Variants in GABRA4 observed in about 807,000 individuals in gnomAD.
GABRA4 encodes gamma-aminobutyric acid receptor subunit alpha-4.
GABRA4 carries 12 observed loss-of-function variants against 49.7 expected under a neutral mutation model. The ratio of observed to expected loss-of-function variants is 0.24; its 90% confidence interval spans 0.15 to 0.39. The LOEUF (loss-of-function observed/expected upper bound fraction) is 0.39, where lower values mean the gene tolerates loss of function less well. Among genes scored for constraint, GABRA4 ranks in the 10% least tolerant of loss-of-function variants. The pLI, the probability that GABRA4 is intolerant of heterozygous loss-of-function variation, is 1.00. For missense variants in GABRA4, 506 were observed against 686.0 expected (o/e 0.74, Z 2.93); for synonymous variants, 288 against 240.2 (o/e 1.20, Z -1.84).
At chr4:46,950,460 T>G (rs1340393011) in intron 8 of GABRA4, among the ~76,000 whole-genome samples, 1 of 151,990 alleles carries the variant, frequency 6.6e-6, no homozygotes, top group Non-Finnish European at 1.5e-5. Flanking sequence ...AAGAAGCGAC[T>G]AATAAGGCAA....
chr4:46,928,006 GAA>G lies in GABRA4; in HGVS notation c.*217_*218del. ...AGGATGGTGTGTATTCTATCTAACT[GAA>G]TGCTGAGTTCTTTTAAAATAATTTT... On this transcript the variant is annotated 3_prime_UTR_variant, in exon 9 of 9. Transcript: ENST00000264318. The G allele has an allele frequency of 2.9e-5, 13 of 442,406 alleles. No individual in the cohort carries two copies. Among genetic ancestry groups the G allele is most frequent in the South Asian group, 1.6e-4 (5 of 31,842 alleles). 27.4% of individuals were successfully genotyped at this position (442,406 alleles called of 1,614,324 possible). A position where few individuals can be genotyped will look rare whatever the true frequency, so the allele number is the denominator to read the frequency against.
Position 46,993,398 on chromosome 4 carries a change from C to T in GABRA4, c.27G>A (p.Ala9=), listed in dbSNP as rs775415529. The T allele has an allele frequency of 1.2e-6, 2 of 1,614,088 alleles. No homozygotes were observed. Among genetic ancestry groups the T allele is most frequent in the Non-Finnish European group, 1.7e-6 (2 of 1,180,046 alleles). ...AACTGACCCCGGCGGACAGAGCGATCGCGGGTACCTTCTTGGCAGAAACCA... is the reference window on the plus strand; with the variant it reads ...AACTGACCCCGGCGGACAGAGCGATTGCGGGTACCTTCTTGGCAGAAACCA... MVSAKKVP[A]IALSAGVSFA... is the part of the protein sequence containing the mutation. Residue 9 remains alanine, a synonymous_variant, in exon 1 of 9, where the codon GCG becomes GCA. Transcript: ENST00000264318.
At position 46,919,126 on chromosome 4, in the gene GABRA4, G is replaced by T. The variant is rs1396655987; in HGVS notation, c.*9099C>A. 1 of 151,466 alleles carries T rather than the reference G, an allele frequency of 6.6e-6. No homozygotes were observed. Among genetic ancestry groups the T allele is most frequent in the African/African-American group, 2.4e-5 (1 of 41,368 alleles). The allele number at this position is 151,466 out of a possible 1,614,324, so 9.4% of individuals were successfully genotyped here. ...AATAATTCTACAATGCTATGCTCTA[G>T]TATAAACTTTGTTTTAAGAAGCAAA... On this transcript the variant is annotated 3_prime_UTR_variant, in exon 9 of 9. Coordinates refer to ENST00000264318, the MANE Select transcript of GABRA4 (RefSeq NM_000809.4).
At chr4:46,982,842 G>A (rs1723405282) in intron 2 of GABRA4, among the ~76,000 whole-genome samples, 1 of 152,096 alleles carries the variant, frequency 6.6e-6, no homozygotes, top group South Asian at 2.1e-4. Context: ...TGTTCAAGTC[G>A]AGAGTTGGTG....
At chr4:46,939,463 A>G (rs1721717548) in intron 8 of GABRA4, among the ~76,000 whole-genome samples, 1 of 151,928 alleles carries the variant, frequency 6.6e-6, no homozygotes, top group Non-Finnish European at 1.5e-5. Context: ...TCATTTTCCC[A>G]ATGAGGGCAC....
In GABRA4 at chr4:46,919,298, A is replaced by G. The variant is rs2109925053; in HGVS notation, c.*8927T>C. ...ATAATGCTCCTTTTTTTCAAAATAA[A>G]TTTGCAAAAACAAAATAATAATGAC... On this transcript the variant is annotated 3_prime_UTR_variant, in exon 9 of 9. Coordinates refer to ENST00000264318, the MANE Select transcript of GABRA4 (RefSeq NM_000809.4). 6.6e-6 allele frequency: 1 copy of G among 151,664 alleles called. No individual in the cohort carries two copies. The highest frequency in any genetic ancestry group is 2.1e-4 in the South Asian group (1 of 4,824). 9.4% of individuals were successfully genotyped at this position (151,664 alleles called of 1,614,324 possible).
intron 2 of GABRA4, among the ~76,000 whole-genome samples, chr4:46,986,134 A>G (rs992655831): frequency 2.0e-5 from 3 of 152,016 alleles, no homozygotes; most frequent in African/African-American, 7.2e-5. Flanking sequence ...CAGTACCATG[A>G]GTTTTTCCTT....
intron 2 of GABRA4, among the ~76,000 whole-genome samples, chr4:46,987,408 A>G (rs1431443699): frequency 6.6e-6 from 1 of 152,088 alleles, no homozygotes; most frequent in Non-Finnish European, 1.5e-5. Flanking sequence ...ATTACTCTAT[A>G]GCTGTTAACC....
chr4:46,937,303 A>G lies in GABRA4; in HGVS notation c.1135-8548T>C, dbSNP rs189081240. ...AGACTTTCTAGCCTCCAGAACTGTGAGAAATAAATTTCTATTGTTTAAGCT... is the reference window on the plus strand; with the variant it reads ...AGACTTTCTAGCCTCCAGAACTGTGGGAAATAAATTTCTATTGTTTAAGCT... On this transcript the variant is annotated intron_variant, in intron 8 of 8. Coordinates refer to ENST00000264318, the MANE Select transcript of GABRA4 (RefSeq NM_000809.4). Among the ~76,000 whole-genome samples the G allele has an allele frequency of 1.3e-3, 199 of 152,320 alleles. 1 individual carries two copies. In the Middle Eastern group the frequency reaches 0.031, roughly 23 times the overall value.
intron 3 of GABRA4, among the ~76,000 whole-genome samples, chr4:46,977,908 GA>G (rs1460839379): frequency 6.6e-6 from 1 of 151,926 alleles, no homozygotes; most frequent in Non-Finnish European, 1.5e-5. Flanking sequence ...TATAATTTAA[GA>G]AAACTGCCAG....
intron 7 of GABRA4, among the ~76,000 whole-genome samples, chr4:46,967,140 A>G (rs928515429): frequency 2.6e-5 from 4 of 151,746 alleles, no homozygotes; most frequent in African/African-American, 7.2e-5. Context: ...GAATTCAAAA[A>G]TGTTCTATAA....
intron 8 of GABRA4, among the ~76,000 whole-genome samples, chr4:46,963,346 C>T (rs373093019): frequency 6.6e-6 from 1 of 151,624 alleles, no homozygotes; most frequent in Non-Finnish European, 1.5e-5. Flanking sequence ...AATTTTATCC[C>T]CCAGAATTCC....
At chr4:46,972,292 C>A (rs950703795) in intron 6 of GABRA4, among the ~76,000 whole-genome samples, 1 of 151,508 alleles carries the variant, frequency 6.6e-6, no homozygotes, top group Admixed American at 6.6e-5. Context: ...GATTTTATGA[C>A]AAAGACAGTG....
At chr4:46,984,057 T>G (rs1177606348) in intron 2 of GABRA4, among the ~76,000 whole-genome samples, 1 of 152,042 alleles carries the variant, frequency 6.6e-6, no homozygotes, top group Non-Finnish European at 1.5e-5. Context: ...CCAGTTTACT[T>G]AACTTTAGCA....
chr4:46,974,339 G>C lies in GABRA4; in HGVS notation c.614C>G (p.Thr205Arg). The C allele has an allele frequency of 6.2e-7, 1 of 1,611,544 alleles. No individual in the cohort carries two copies. The highest frequency in any genetic ancestry group is 8.5e-7 in the Non-Finnish European group (1 of 1,178,402). ...YPKSEMIYTW[T>R]KGPEKSVEVP... The stretch of plus-strand genomic sequence containing the variant: ...TTCAACTGATTTCTCAGGACCTTTT[G>C]TCCAGGTATAGATCATCTCACTCTT... The change falls in exon 6 of 9, where the codon ACA becomes AGA. Residue 205 changes from threonine (T) to arginine (R), a missense_variant. Transcript: ENST00000264318.
intron 8 of GABRA4, among the ~76,000 whole-genome samples, chr4:46,935,526 TAC>T (rs372396998): frequency 2.0e-5 from 3 of 152,106 alleles, no homozygotes; most frequent in African/African-American, 7.2e-5. Context: ...GACAATATTA[TAC>T]GTCTATGAAA....
intron 2 of GABRA4, among the ~76,000 whole-genome samples, chr4:46,987,661 T>G (rs1245226432): frequency 6.6e-6 from 1 of 152,116 alleles, no homozygotes; most frequent in Non-Finnish European, 1.5e-5. Flanking sequence ...AAAACTCACT[T>G]TAATCAACTT....
At chr4:46,979,263 A>G (rs1178373746) in intron 2 of GABRA4, among the ~76,000 whole-genome samples, 165 bp from the exon 3 acceptor site, 1 of 152,128 alleles carries the variant, frequency 6.6e-6, no homozygotes, top group African/African-American at 2.4e-5. Context: ...TGTAGACCAA[A>G]GCGCAACAAG....
rs750426599 is a variant in GABRA4 at position 46,921,285 on chromosome 4, T to C, written c.*6940A>G. ...AGGAATAAGTACTTCACTAATCTAC[T>C]GATGAATTGAAGGACAGGAAAATAT... On this transcript the variant is annotated 3_prime_UTR_variant, in exon 9 of 9. Transcript: ENST00000264318. 2 of 151,874 alleles carry C rather than the reference T, an allele frequency of 1.3e-5. No homozygotes were observed. The highest frequency in any genetic ancestry group is 2.9e-5 in the Non-Finnish European group (2 of 67,900). 9.4% of individuals were successfully genotyped at this position (151,874 alleles called of 1,614,324 possible). A position where few individuals can be genotyped will look rare whatever the true frequency, so the allele number is the denominator to read the frequency against.
Sources: gnomAD v4.1 joint callset for allele counts (sites outside exome capture counted in the v4.1 genomes callset) on GRCh38, gnomAD v4.1.1 for gene constraint, MANE v1.5 for transcripts, NCBI Gene and HGNC (gene_info 2026-07-23, HGNC 2026-07-21) for gene names.